The following NSUN6 variants were observed in gnomAD, a reference collection of about 807,000 sequenced individuals.
NSUN6 encodes NOP2/Sun RNA methyltransferase 6.
Under a neutral mutation model 58.0 loss-of-function variants are expected in NSUN6, and 64 were observed. The ratio of observed to expected loss-of-function variants is 1.10; its 90% CI spans 0.90 to 1.36. The LOEUF is 1.36. NSUN6 is among the 40% of genes most tolerant of loss of function. The pLI is 0.00. For synonymous variants in NSUN6, 231 were observed against 193.9 expected, an observed-to-expected ratio of 1.19 and a Z score of -1.59; for missense variants, 701 against 550.1, an observed-to-expected ratio of 1.27 and a Z score of -2.74.
intron 3 of NSUN6, among the ~76,000 whole-genome samples, 165 bp from the exon 4 acceptor site, chr10:18,616,458 C>G (rs949749280): frequency 1.3e-5 from 2 of 152,052 alleles, no homozygotes; most frequent in Non-Finnish European, 2.9e-5. Flanking sequence ...CAGGAAAAAA[C>G]AGCAACACGA....
At chr10:18,547,790 G>A (rs1417374229) in intron 10 of NSUN6, among the ~76,000 whole-genome samples, 1 of 81,884 alleles carries the variant, frequency 1.2e-5, no homozygotes, top group Non-Finnish European at 2.7e-5. Flanking sequence ...AAAAATACAG[G>A]ACTGGGAAGG....
At chr10:18,652,793 C>T (rs1384005675), upstream of NSUN6, 3 of 589,206 alleles carry the variant, frequency 5.1e-6, no homozygotes, top group African/African-American at 6.1e-5. Flanking sequence ...CTCCTGACTT[C>T]AACTGATCTG....
chr10:18,559,224 C>T (rs2055292081), intron 8 of NSUN6, among the ~76,000 whole-genome samples: 1 of 142,204 alleles, frequency 7.0e-6, no homozygotes, highest in South Asian at 2.3e-4. Context: ...ATGGTGAATG[C>T]AATGGAATGG....
intron 3 of NSUN6, among the ~76,000 whole-genome samples, chr10:18,630,344 A>C (rs1422090675): frequency 6.6e-6 from 1 of 150,854 alleles, no homozygotes; most frequent in African/African-American, 2.4e-5. Flanking sequence ...AATTAAAAGA[A>C]CTAGAAAAGC....
intron 1 of NSUN6, 82 bp from the exon 2 acceptor site, chr10:18,648,727 A>G: frequency 1.3e-6 from 1 of 744,778 alleles, no homozygotes; most frequent in South Asian, 1.8e-5. Flanking sequence ...CCATCTAATG[A>G]AACATCGCTT....
chr10:18,551,244 T>TTGTGTGTGTGTGTGTG lies in NSUN6; in HGVS notation c.1071+563_1071+578dup, dbSNP rs35396134. On this transcript the variant is annotated intron_variant, in intron 9 of 10. Transcript: ENST00000377304. ...TATATTTAAAACTAGGTCCTCTCAGTTGTGTGTGTGTGTGTGTGTGTGTGT... is the reference window on the plus strand; with the variant it reads ...TATATTTAAAACTAGGTCCTCTCAGTTGTGTGTGTGTGTGTGTGTGTGTGTGTGTGTGTGTGTGTGT... Among the ~76,000 whole-genome samples the TTGTGTGTGTGTGTGTG allele has an allele frequency of 7.7e-3, 974 of 127,112 alleles. 25 individuals carry two copies. The highest frequency in any genetic ancestry group is 0.026 in the East Asian group (99 of 3,766). The allele number at this position is 127,112 out of a possible 152,430, so 83.4% of individuals were successfully genotyped here.
intron 6 of NSUN6, among the ~76,000 whole-genome samples, chr10:18,605,786 G>T (rs909057667): frequency 6.6e-6 from 1 of 152,118 alleles, no homozygotes; most frequent in African/African-American, 2.4e-5. Flanking sequence ...GCAACAGTAT[G>T]AAACATCATA....
chr10:18,606,304 A>T (rs1266032686), intron 6 of NSUN6, among the ~76,000 whole-genome samples: 1 of 149,986 alleles, frequency 6.7e-6, no homozygotes, highest in Non-Finnish European at 1.5e-5. Flanking sequence ...AAATCCAACA[A>T]CCCCAGCCTA....
At chr10:18,586,621 T>C (rs2057157402) in intron 7 of NSUN6, among the ~76,000 whole-genome samples, 1 of 152,180 alleles carries the variant, frequency 6.6e-6, no homozygotes, top group Non-Finnish European at 1.5e-5. Flanking sequence ...AGTGGGTTCG[T>C]GGTCTCGCTG....
chr10:18,601,813 C>T (rs879507435), intron 6 of NSUN6, among the ~76,000 whole-genome samples: 3 of 151,832 alleles, frequency 2.0e-5, no homozygotes, highest in Non-Finnish European at 4.4e-5. Context: ...CCCATCTCTA[C>T]TAAAAATACA....
chr10:18,545,902 G>T lies in NSUN6; in HGVS notation c.*31C>A. 1.8e-6 allele frequency: 2 copies of T among 1,125,980 alleles called. No homozygotes were observed. Among genetic ancestry groups the T allele is most frequent in the Non-Finnish European group, 1.3e-6 (1 of 772,312 alleles). The allele number at this position is 1,125,980 out of a possible 1,614,324, so 69.7% of individuals were successfully genotyped here. ...AAAAACCACAGACAGCAAATGTTTGGAATTTTCATTTCTGAGCATCCATCC... is the reference window on the plus strand; with the variant it reads ...AAAAACCACAGACAGCAAATGTTTGTAATTTTCATTTCTGAGCATCCATCC... On this transcript the variant is annotated 3_prime_UTR_variant, in exon 11 of 11. Coordinates refer to ENST00000377304, the MANE Select transcript of NSUN6 (RefSeq NM_182543.5).
chr10:18,614,387 A>G, intron 5 of NSUN6, 73 bp downstream of exon 5: 2 of 942,388 alleles, frequency 2.1e-6, no homozygotes, highest in South Asian at 2.4e-5. Flanking sequence ...AACTAGATAC[A>G]TTTTACATTA....
Position 18,554,158 on chromosome 10 carries a change from C to A in NSUN6, c.923-2187G>T, listed in dbSNP as rs937347960. Among the ~76,000 whole-genome samples, 11 of 140,006 alleles carry A rather than the reference C, an allele frequency of 7.9e-5. 1 individual carries two copies. Among genetic ancestry groups the A allele is most frequent in the Admixed American group, 3.6e-4 (5 of 13,916 alleles). 91.8% of individuals were successfully genotyped at this position (140,006 alleles called of 152,430 possible). On this transcript the variant is annotated intron_variant, in intron 8 of 10. Transcript: ENST00000377304. ...GGAGAATGGATTGGATAAACGAATG[C>A]GGAATGGAATGGAATCAAGAATGGA...
chr10:18,555,192 A>G (rs954993342), intron 8 of NSUN6, among the ~76,000 whole-genome samples: 1 of 151,100 alleles, frequency 6.6e-6, no homozygotes, highest in Non-Finnish European at 1.5e-5. Context: ...TGGAATGGAG[A>G]ATGGAATGGA....
intron 3 of NSUN6, among the ~76,000 whole-genome samples, chr10:18,619,323 G>C (rs560842662): frequency 1.3e-5 from 2 of 152,260 alleles, no homozygotes; most frequent in South Asian, 4.1e-4. Context: ...GGGAACTTAC[G>C]GCTGCGCATT....
At chr10:18,657,183 C>A (rs1051450241), upstream of NSUN6, among the ~76,000 whole-genome samples, 1 of 152,104 alleles carries the variant, frequency 6.6e-6, no homozygotes, top group Non-Finnish European at 1.5e-5. Context: ...AGCATGATAT[C>A]TGTTTAGATA....
At chr10:18,550,644 C>T (rs1017715246) in intron 9 of NSUN6, among the ~76,000 whole-genome samples, 23 of 152,134 alleles carry the variant, frequency 1.5e-4, no homozygotes, top group African/African-American at 4.6e-4. Context: ...CTATATCCTA[C>T]GCTGGCCACT....
upstream of NSUN6, chr10:18,653,328 A>G: frequency 1.0e-6 from 1 of 983,250 alleles, no homozygotes; most frequent in Non-Finnish European, 1.2e-6. Flanking sequence ...ATTTGCCAGA[A>G]ATTACTTCAC....
intron 3 of NSUN6, among the ~76,000 whole-genome samples, chr10:18,624,342 G>A (rs1209393377): frequency 6.6e-6 from 1 of 151,982 alleles, no homozygotes; most frequent in Non-Finnish European, 1.5e-5. Flanking sequence ...ATTGACAAGA[G>A]AGCCACTTTG....
Sources: gnomAD v4.1 joint callset for allele counts (sites outside exome capture counted in the v4.1 genomes callset) on GRCh38, gnomAD v4.1.1 for gene constraint, MANE v1.5 for transcripts, NCBI Gene and HGNC (gene_info 2026-07-23, HGNC 2026-07-21) for gene names.